HIPK3: variants seen among roughly 807,000 people sequenced by gnomAD.
HIPK3 encodes the protein homeodomain interacting protein kinase 3, also known as homeodomain-interacting protein kinase 3.
A neutral mutation model predicts 124.2 loss-of-function variants in HIPK3; 47 were observed. The ratio of observed to expected loss-of-function variants is 0.38; its 90% CI spans 0.30 to 0.48. The LOEUF (loss-of-function observed/expected upper bound fraction) is 0.48, where lower values mean the gene tolerates loss of function less well. Among genes scored for constraint, HIPK3 ranks in the 20% least tolerant of loss-of-function variants. The pLI, the probability that HIPK3 is intolerant of heterozygous loss-of-function variation, is 0.98. For missense variants in HIPK3, 1,286 were observed against 1,454.3 expected (o/e 0.88, Z 1.88); for synonymous variants, 482 against 515.2 (o/e 0.94, Z 0.87).
At position 33,349,332 on chromosome 11, in the gene HIPK3, T is replaced by A. The variant is rs201006611; in HGVS notation, c.2807+45T>A. 660 of 1,506,702 alleles carry A rather than the reference T, an allele frequency of 4.4e-4. No individual in the cohort carries two copies. In the Middle Eastern group the frequency reaches 6.0e-3, roughly 14 times the overall value. 93.3% of individuals were successfully genotyped at this position (1,506,702 alleles called of 1,614,324 possible). On this transcript the variant is annotated intron_variant, in intron 14 of 16. Coordinates refer to ENST00000303296, the MANE Select transcript of HIPK3 (RefSeq NM_005734.5). Reference sequence around the variant, plus strand: ...AGTGTGTAATAAATAGTAAGTCTACTAAAAAGCCTACGATTTCTTTCTGTT... The same window carrying A: ...AGTGTGTAATAAATAGTAAGTCTACAAAAAAGCCTACGATTTCTTTCTGTT...
At chr11:33,301,854 A>ACACACACACACG (rs927187526) in intron 2 of HIPK3, among the ~76,000 whole-genome samples, 1 of 151,438 alleles carries the variant, frequency 6.6e-6, no homozygotes, top group African/African-American at 2.4e-5. Flanking sequence ...ACACACACAC[A>ACACACACACACG]CGAGTACAGT....
intron 8 of HIPK3, among the ~76,000 whole-genome samples, chr11:33,346,634 A>G (rs1205225218): frequency 6.6e-6 from 1 of 152,236 alleles, no homozygotes; most frequent in African/African-American, 2.4e-5. Context: ...ACTAAGCCAG[A>G]TTCTTCTTTC....
rs1367121509 is a variant in HIPK3, at chr11:33,286,586, A to G, written c.172A>G (p.Lys58Glu). 1 of 1,614,032 alleles carries G rather than the reference A, an allele frequency of 6.2e-7. No homozygotes were observed. The highest frequency in any genetic ancestry group is 1.3e-5 in the African/African-American group (1 of 74,920). ...CTTTGGAAATTCTCATCCTCCCACT[A>G]AGGGTAGTGCTTTTCAGACAAAGAT... ...RNFGNSHPPT[K>E]GSAFQTKIPF... The change falls in exon 2 of 17, where the codon AAG becomes GAG. Residue 58 changes from lysine to glutamate, a missense_variant. Coordinates refer to ENST00000303296, the MANE Select transcript of HIPK3 (RefSeq NM_005734.5).
At chr11:33,351,917 T>G in intron 15 of HIPK3, 74 bp downstream of exon 15, 1 of 1,264,552 alleles carries the variant, frequency 7.9e-7, no homozygotes, top group Non-Finnish European at 1.1e-6. Flanking sequence ...GAGAATGCAG[T>G]TGCCAAAGTC....
Position 33,341,704 on chromosome 11 carries a change from T to C in HIPK3, c.1897+18T>C. ...TATTCAAGGTATTATTTTATTTAAATTTTGCTTTGAATCTAGGCATGCTTT... is the reference window on the plus strand; with the variant it reads ...TATTCAAGGTATTATTTTATTTAAACTTTGCTTTGAATCTAGGCATGCTTT... On this transcript the variant is annotated intron_variant, in intron 8 of 16. Transcript: ENST00000303296. The C allele has an allele frequency of 6.3e-7, 1 of 1,588,906 alleles. No individual in the cohort carries two copies. The highest frequency in any genetic ancestry group is 1.4e-5 in the African/African-American group (1 of 73,748).
intron 1 of HIPK3, among the ~76,000 whole-genome samples, chr11:33,272,558 C>A (rs1851155242): frequency 6.6e-6 from 1 of 152,130 alleles, no homozygotes; most frequent in African/African-American, 2.4e-5. Flanking sequence ...TCTGCTGTAT[C>A]ACCTTCCTCA....
rs557696403 is a variant in HIPK3, at chr11:33,356,186, G to A, written c.*2618G>A. 3.6e-4 allele frequency: 55 copies of A among 151,864 alleles called. No individual in the cohort carries two copies. The highest frequency in any genetic ancestry group is 7.2e-4 in the Non-Finnish European group (49 of 67,870). 9.4% of individuals were successfully genotyped at this position (151,864 alleles called of 1,614,324 possible). A position where few individuals can be genotyped will look rare whatever the true frequency, so the allele number is the denominator to read the frequency against. ...AGACTTAAAGCAGTCTTGTTAAATT[G>A]ACATAAATGGTAAACTTCAACATTT... On this transcript the variant is annotated 3_prime_UTR_variant, in exon 17 of 17. Coordinates refer to ENST00000303296, the MANE Select transcript of HIPK3 (RefSeq NM_005734.5).
chr11:33,272,429 C>A (rs544979139), intron 1 of HIPK3, among the ~76,000 whole-genome samples: 4 of 151,684 alleles, frequency 2.6e-5, no homozygotes, highest in Non-Finnish European at 5.9e-5. Flanking sequence ...AATTCAATGT[C>A]GTTTCTTTGT....
chr11:33,270,134 C>T (rs116948126), intron 1 of HIPK3, among the ~76,000 whole-genome samples: 2,743 of 152,066 alleles, frequency 0.018, 37 homozygotes, highest in Non-Finnish European at 0.027. Context: ...CATGCCATGA[C>T]GCCTGGCTAA....
rs149006860 is a variant in HIPK3 at position 33,347,944 on chromosome 11, G to T, written c.2237G>T (p.Ser746Ile). ...ACTTTATCTGCCCCTCAGCCAGTTA[G>T]TGTGGGGATTGCACATGTTGTCTGG... ...QITLSAPQPV[S>I]VGIAHVVWPQ... The change falls in exon 11 of 17, where the codon AGT (serine) becomes ATT (isoleucine). Residue 746 changes from serine (S) to isoleucine (I), a missense_variant. This residue lies in a region of HIPK3 where 810 missense variants were observed against 864.9 expected (regional missense o/e 0.94). Transcript: ENST00000303296. 56 of 1,614,020 alleles carry T rather than the reference G, an allele frequency of 3.5e-5. No individual in the cohort carries two copies. Among genetic ancestry groups the T allele is most frequent in the Non-Finnish European group, 4.7e-5 (56 of 1,179,992 alleles).
At chr11:33,303,974 C>G (rs930079557) in intron 2 of HIPK3, among the ~76,000 whole-genome samples, 3 of 152,072 alleles carry the variant, frequency 2.0e-5, no homozygotes, top group African/African-American at 7.2e-5. Flanking sequence ...AATGGAGTCT[C>G]TCTGTCACCA....
At chr11:33,317,055 C>A (rs534020598) in intron 2 of HIPK3, among the ~76,000 whole-genome samples, 1 of 152,154 alleles carries the variant, frequency 6.6e-6, no homozygotes, top group Non-Finnish European at 1.5e-5. Context: ...GCTGCAACCT[C>A]CGCCTCCTAG....
At chr11:33,344,607 A>G (rs1337073376) in intron 8 of HIPK3, among the ~76,000 whole-genome samples, 1 of 152,220 alleles carries the variant, frequency 6.6e-6, no homozygotes, top group Non-Finnish European at 1.5e-5. Context: ...GGTTTACAAT[A>G]TGGGATAATC....
intron 1 of HIPK3, among the ~76,000 whole-genome samples, chr11:33,259,950 A>G (rs1176738505): frequency 6.6e-6 from 1 of 152,144 alleles, no homozygotes; most frequent in Non-Finnish European, 1.5e-5. Flanking sequence ...ATTGCTGACT[A>G]CAGTAGCTAA....
intron 14 of HIPK3, among the ~76,000 whole-genome samples, chr11:33,350,514 A>T (rs1004778805): frequency 6.0e-5 from 9 of 150,822 alleles, no homozygotes; most frequent in African/African-American, 2.2e-4. Flanking sequence ...CAAAAATTAA[A>T]AAAAAAAAAA....
At chr11:33,343,428 C>T (rs1458428313) in intron 8 of HIPK3, among the ~76,000 whole-genome samples, 1 of 151,856 alleles carries the variant, frequency 6.6e-6, no homozygotes, top group East Asian at 1.9e-4. Context: ...TACAGGTATG[C>T]ACCACCACTC....
rs1385554981 is a variant in HIPK3, at chr11:33,354,709, T to TC, written c.*1141_*1142insC. On this transcript the variant is annotated 3_prime_UTR_variant, in exon 17 of 17. Transcript: ENST00000303296. ...TTATGCATGTGAGAGGGTTTTTTTT[T>TC]TTTTTAAGTATTTTTACATTGCAGT... 1 of 152,092 alleles carries TC rather than the reference T, an allele frequency of 6.6e-6. No homozygotes were observed. The highest frequency in any genetic ancestry group is 6.6e-5 in the Admixed American group (1 of 15,234). The allele number at this position is 152,092 out of a possible 1,614,324, so 9.4% of individuals were successfully genotyped here.
intron 1 of HIPK3, among the ~76,000 whole-genome samples, chr11:33,259,300 A>G (rs185771075): frequency 7.2e-4 from 109 of 152,274 alleles, no homozygotes; most frequent in Middle Eastern, 3.4e-3. Flanking sequence ...TTAATCCTAT[A>G]TTATTTAATT....
intron 2 of HIPK3, 32 bp downstream of exon 2, chr11:33,287,543 T>G: frequency 1.3e-6 from 2 of 1,570,880 alleles, no homozygotes; most frequent in African/African-American, 1.4e-5. Flanking sequence ...TTTGGTTGTT[T>G]ATTAATGTGA....
Sources: allele counts gnomAD v4.1 joint callset (sites outside exome capture counted in the v4.1 genomes callset), GRCh38; gene constraint gnomAD v4.1.1; regional missense constraint gnomAD v4.1.1; transcripts MANE v1.5; gene names NCBI Gene and HGNC (gene_info 2026-07-23, HGNC 2026-07-21).